The following CPA6 variants were observed in gnomAD, a reference collection of about 807,000 sequenced individuals.
CPA6 encodes carboxypeptidase A6.
A neutral mutation model predicts 63.3 loss-of-function variants in CPA6; 58 were observed. That is an observed-to-expected ratio of 0.92 (90% CI 0.74 to 1.14). The LOEUF is 1.14. Among genes scored for constraint, CPA6 ranks in the 50% most tolerant of loss-of-function variants. The pLI, the probability that CPA6 is intolerant of heterozygous loss-of-function variation, is 0.00. For missense variants in CPA6, 565 were observed against 526.6 expected, an observed-to-expected ratio of 1.07 and a Z score of -0.71; for synonymous variants, 185 against 179.0, an observed-to-expected ratio of 1.03 and a Z score of -0.27.
chr8:67,470,227 C>T (rs191147863), intron 8 of CPA6, among the ~76,000 whole-genome samples: 37 of 151,742 alleles, frequency 2.4e-4, no homozygotes, highest in Non-Finnish European at 5.0e-4. Context: ...ACGGGGTTTC[C>T]CCATATTGGT....
intron 8 of CPA6, chr8:67,452,183 G>A (rs1810571417): frequency 6.6e-6 from 1 of 152,248 alleles, no homozygotes; most frequent in African/African-American, 2.4e-5. Flanking sequence ...GGAACATGCA[G>A]AGGGAGTAGA....
intron 1 of CPA6, among the ~76,000 whole-genome samples, chr8:67,726,091 A>G (rs917197222): frequency 6.6e-6 from 1 of 152,202 alleles, no homozygotes; most frequent in Non-Finnish European, 1.5e-5. Flanking sequence ...TTTAGAACTC[A>G]TGAGAGCAAG....
At chr8:67,456,065 T>C (rs1308817553) in intron 8 of CPA6, among the ~76,000 whole-genome samples, 6 of 152,274 alleles carry the variant, frequency 3.9e-5, no homozygotes. Context: ...CCAGTGCAGG[T>C]GAAACAAAAA....
chr8:67,714,936 C>T (rs1817346876), intron 1 of CPA6, among the ~76,000 whole-genome samples: 1 of 152,074 alleles, frequency 6.6e-6, no homozygotes, highest in Non-Finnish European at 1.5e-5. Context: ...CTAAACCAAG[C>T]AACTAAAAGA....
intron 1 of CPA6, among the ~76,000 whole-genome samples, chr8:67,627,423 A>C (rs1211374608): frequency 6.6e-6 from 1 of 152,100 alleles, no homozygotes; most frequent in East Asian, 1.9e-4. Flanking sequence ...TTTTCCTTAT[A>C]ACTTATCAGG....
intron 8 of CPA6, among the ~76,000 whole-genome samples, chr8:67,457,828 GC>G (rs1163615340): frequency 6.6e-6 from 1 of 152,086 alleles, no homozygotes; most frequent in Admixed American, 6.6e-5. Context: ...AACAGCCACA[GC>G]CCCATCCCTC....
intron 2 of CPA6, among the ~76,000 whole-genome samples, chr8:67,540,858 C>A (rs1165463614): frequency 2.0e-5 from 3 of 152,194 alleles, no homozygotes; most frequent in Non-Finnish European, 4.4e-5. Context: ...CTCCCCCGAC[C>A]AAGCTCCAGT....
intron 6 of CPA6, among the ~76,000 whole-genome samples, chr8:67,498,429 A>G (rs1811765412): frequency 6.7e-6 from 1 of 149,950 alleles, no homozygotes; most frequent in Non-Finnish European, 1.5e-5. Flanking sequence ...CCAGCTACTC[A>G]GGAGGCTGAG....
At chr8:67,471,883 C>A (rs529373644) in intron 8 of CPA6, among the ~76,000 whole-genome samples, 1 of 151,988 alleles carries the variant, frequency 6.6e-6, no homozygotes, top group East Asian at 1.9e-4. Context: ...GAATATAATG[C>A]AATAATGCTT....
intron 2 of CPA6, among the ~76,000 whole-genome samples, chr8:67,620,141 T>C (rs1038249282): frequency 6.6e-6 from 1 of 152,146 alleles, no homozygotes; most frequent in Non-Finnish European, 1.5e-5. Flanking sequence ...TGGAATTCCT[T>C]AGCTCGTGAC....
At chr8:67,588,366 T>C (rs559940165) in intron 2 of CPA6, among the ~76,000 whole-genome samples, 1 of 152,300 alleles carries the variant, frequency 6.6e-6, no homozygotes, top group Non-Finnish European at 1.5e-5. Flanking sequence ...AGGCCTAGAA[T>C]TATTGGGGTA....
chr8:67,566,935 G>C (rs1049195837), intron 2 of CPA6, among the ~76,000 whole-genome samples: 3 of 152,204 alleles, frequency 2.0e-5, no homozygotes, highest in African/African-American at 7.2e-5. Context: ...GGAGTGAAAG[G>C]TGGCCACTCT....
intron 9 of CPA6, among the ~76,000 whole-genome samples, chr8:67,433,646 A>G (rs1164118348): frequency 6.6e-6 from 1 of 152,254 alleles, no homozygotes; most frequent in Non-Finnish European, 1.5e-5. Flanking sequence ...AAACTATGAT[A>G]CTAATCAAAT....
intron 2 of CPA6, among the ~76,000 whole-genome samples, chr8:67,556,756 T>G (rs143274250): frequency 6.6e-6 from 1 of 152,264 alleles, no homozygotes; most frequent in Non-Finnish European, 1.5e-5. Flanking sequence ...AGGGACTATT[T>G]GTGAATGTCA....
intron 2 of CPA6, among the ~76,000 whole-genome samples, chr8:67,549,110 T>C (rs1248716070): frequency 1.3e-5 from 2 of 152,092 alleles, no homozygotes; most frequent in Non-Finnish European, 2.9e-5. Context: ...GTTAAGAAAA[T>C]GTTATGAATA....
chr8:67,730,055 C>G (rs1338632944), intron 1 of CPA6, among the ~76,000 whole-genome samples: 1 of 152,248 alleles, frequency 6.6e-6, no homozygotes, highest in African/African-American at 2.4e-5. Context: ...AAGCAATTCT[C>G]TCACACCAGC....
chr8:67,662,411 GTA>G (rs1816130736), intron 1 of CPA6, among the ~76,000 whole-genome samples: 1 of 148,156 alleles, frequency 6.7e-6, no homozygotes, highest in Non-Finnish European at 1.5e-5. Context: ...ATACACACAC[GTA>G]TATGTATATA....
chr8:67,653,907 A>G (rs1165756603), intron 1 of CPA6, among the ~76,000 whole-genome samples: 49 of 151,452 alleles, frequency 3.2e-4, no homozygotes, highest in Non-Finnish European at 4.3e-4. Context: ...TTATTTTGAG[A>G]TACGTCCCAT....
intron 1 of CPA6, among the ~76,000 whole-genome samples, chr8:67,677,702 G>A (rs1425460820): frequency 6.6e-6 from 1 of 151,954 alleles, no homozygotes; most frequent in Non-Finnish European, 1.5e-5. Context: ...TATTATTCTT[G>A]CTCCACTAGA....
Sources: gnomAD v4.1 joint callset for allele counts (sites outside exome capture counted in the v4.1 genomes callset) on GRCh38, gnomAD v4.1.1 for gene constraint, MANE v1.5 for transcripts, NCBI Gene and HGNC (gene_info 2026-07-23, HGNC 2026-07-21) for gene names.